Variants in POC1B observed in about 807,000 individuals in gnomAD.
The protein encoded by POC1B is POC1 centriolar protein B.
A neutral mutation model predicts 60.6 loss-of-function variants in POC1B; 44 were observed. The ratio of observed to expected loss-of-function variants is 0.73; its 90% CI spans 0.57 to 0.93. POC1B has a LOEUF of 0.93. Among genes scored for constraint, POC1B ranks in the 40% least tolerant of loss-of-function variants. The pLI, the probability that POC1B is intolerant of heterozygous loss-of-function variation, is 0.00. For synonymous variants in POC1B, 180 were observed against 198.9 expected (o/e 0.90, Z 0.80); for missense variants, 555 against 572.3 (o/e 0.97, Z 0.31).
chr12:89,501,915 T>C, intron 2 of POC1B: 2 of 1,122,268 alleles, frequency 1.8e-6, no homozygotes, highest in South Asian at 1.2e-5. Context: ...GAGGTATCAT[T>C]GGTCATGATG....
chr12:89,468,646 A>G (rs1882772945), intron 7 of POC1B, among the ~76,000 whole-genome samples: 1 of 144,810 alleles, frequency 6.9e-6, no homozygotes, highest in South Asian at 2.2e-4. Context: ...TTTTTCATGG[A>G]TATTTCAATC....
chr12:89,520,375 GA>G (rs1870747512), intron 2 of POC1B: 1 of 151,328 alleles, frequency 6.6e-6, no homozygotes, highest in Non-Finnish European at 1.5e-5. Flanking sequence ...TGGCTAACAA[GA>G]AAACCAAAAA....
intron 10 of POC1B, chr12:89,427,867 T>G (rs1880839442): frequency 6.6e-6 from 1 of 152,138 alleles, no homozygotes; most frequent in Non-Finnish European, 1.5e-5. Context: ...CAAGTTAACA[T>G]AAAGGATTTT....
chr12:89,455,825 G>A (rs935123411), intron 10 of POC1B, among the ~76,000 whole-genome samples: 10 of 152,154 alleles, frequency 6.6e-5, no homozygotes, highest in Admixed American at 5.2e-4. Context: ...TCTCTGAGAA[G>A]AGTCCAGTAT....
intron 10 of POC1B, among the ~76,000 whole-genome samples, chr12:89,446,740 A>G (rs918956761): frequency 3.9e-5 from 6 of 152,088 alleles, no homozygotes; most frequent in African/African-American, 1.4e-4. Context: ...AAAGAAAAAC[A>G]TTTTGACTAA....
intron 4 of POC1B, among the ~76,000 whole-genome samples, chr12:89,485,931 C>G (rs1282422015): frequency 6.6e-6 from 1 of 152,130 alleles, no homozygotes; most frequent in East Asian, 1.9e-4. Flanking sequence ...ATCTTGAACA[C>G]TCTCCTGACA....
At chr12:89,524,706 C>T in intron 2 of POC1B, 1 of 750,698 alleles carries the variant, frequency 1.3e-6, no homozygotes, top group Non-Finnish European at 2.2e-6. Context: ...TTCCAGGGGT[C>T]ACCTGAGCCC....
intron 2 of POC1B, among the ~76,000 whole-genome samples, chr12:89,511,009 C>G (rs146497375): frequency 7.4e-4 from 112 of 152,036 alleles, no homozygotes; most frequent in African/African-American, 2.6e-3. Flanking sequence ...CCTACTTCGG[C>G]CCCCCAAAGT....
At chr12:89,507,833 A>C (rs1869978465) in intron 2 of POC1B, among the ~76,000 whole-genome samples, 1 of 152,016 alleles carries the variant, frequency 6.6e-6, no homozygotes, top group Non-Finnish European at 1.5e-5. Context: ...AAGCTTTCTC[A>C]CTCATTGATT....
chr12:89,452,781 A>C (rs566508321), intron 10 of POC1B, among the ~76,000 whole-genome samples: 1 of 152,164 alleles, frequency 6.6e-6, no homozygotes, highest in Non-Finnish European at 1.5e-5. Flanking sequence ...TATACAGATT[A>C]TCTATCTTGA....
intron 9 of POC1B, among the ~76,000 whole-genome samples, chr12:89,465,335 G>T (rs1232088577): frequency 6.6e-6 from 1 of 152,122 alleles, no homozygotes; most frequent in South Asian, 2.1e-4. Flanking sequence ...GTGGAGTCAT[G>T]GAAATAGCAC....
chr12:89,418,475 G>A (rs901992659), downstream of POC1B, among the ~76,000 whole-genome samples: 1 of 152,178 alleles, frequency 6.6e-6, no homozygotes, highest in African/African-American at 2.4e-5. Flanking sequence ...GTGCAAGGGT[G>A]ACATCAGGGA....
intron 10 of POC1B, chr12:89,429,554 C>T (rs1360702309): frequency 1.3e-5 from 2 of 152,168 alleles, no homozygotes; most frequent in Non-Finnish European, 2.9e-5. Context: ...TTCAAAGGTG[C>T]TAATATTCAG....
At chr12:89,437,066 C>A (rs1283407569) in intron 10 of POC1B, among the ~76,000 whole-genome samples, 1 of 152,152 alleles carries the variant, frequency 6.6e-6, no homozygotes, top group Non-Finnish European at 1.5e-5. Context: ...TATTGACTCT[C>A]TTCAATACCT....
intron 2 of POC1B, chr12:89,522,604 T>C (rs1219416961): frequency 4.3e-6 from 2 of 464,716 alleles, no homozygotes; most frequent in African/African-American, 4.0e-5. Flanking sequence ...AAACAACCAA[T>C]AAGTAAGGCA....
rs557997372 is a variant in POC1B, at chr12:89,420,148, G to T, written c.*1005C>A. 6.6e-6 allele frequency: 1 copy of T among 152,024 alleles called. No individual in the cohort carries two copies. The highest frequency in any genetic ancestry group is 1.9e-4 in the East Asian group (1 of 5,182). The allele number at this position is 152,024 out of a possible 1,614,324, so 9.4% of individuals were successfully genotyped here. A position where few individuals can be genotyped will look rare whatever the true frequency, so the allele number is the denominator to read the frequency against. On this transcript the variant is annotated 3_prime_UTR_variant, in exon 12 of 12. Transcript: ENST00000313546. ...CTTTTCTTCAATTTAATCTCAATTT[G>T]GTTTAAAATAAAGCAAAATTCTTAA...
At chr12:89,439,820 G>A (rs541460468) in intron 10 of POC1B, among the ~76,000 whole-genome samples, 10 of 152,176 alleles carry the variant, frequency 6.6e-5, no homozygotes, top group African/African-American at 2.2e-4. Context: ...GGCCAGGCTG[G>A]TCTTGAACTC....
At chr12:89,484,857 G>A (rs572514959) in intron 4 of POC1B, among the ~76,000 whole-genome samples, 2 of 152,370 alleles carry the variant, frequency 1.3e-5, no homozygotes, top group East Asian at 3.9e-4. Flanking sequence ...CTGACCAGCA[G>A]TACTGATCAC....
intron 2 of POC1B, chr12:89,502,417 G>A (rs1869620003): frequency 3.5e-6 from 5 of 1,445,882 alleles, no homozygotes; most frequent in Non-Finnish European, 4.8e-6. Context: ...CGTGATTAGT[G>A]GAATACTATC....
Sources: allele counts gnomAD v4.1 joint callset (sites outside exome capture counted in the v4.1 genomes callset), GRCh38; gene constraint gnomAD v4.1.1; transcripts MANE v1.5; gene names NCBI Gene and HGNC (gene_info 2026-07-23, HGNC 2026-07-21).